The following COG5 variants were observed in gnomAD, a reference collection of about 807,000 sequenced individuals.
COG5 encodes the protein component of oligomeric golgi complex 5.
In COG5, 86 loss-of-function variants were observed where a neutral mutation model predicts 110.4. The ratio of observed to expected loss-of-function variants is 0.78; its 90% CI spans 0.65 to 0.93. COG5 has a LOEUF of 0.93. Ranked by LOEUF, COG5 falls within the 40% of genes least tolerant of loss-of-function variation. COG5 has a pLI of 0.00. For synonymous variants in COG5, 360 were observed against 334.6 expected (o/e 1.08, Z -0.83); for missense variants, 1,077 against 987.0 (o/e 1.09, Z -1.22).
chr7:107,413,604 G>A (rs1462732128), intron 6 of COG5, among the ~76,000 whole-genome samples: 1 of 150,344 alleles, frequency 6.7e-6, no homozygotes, highest in Non-Finnish European at 1.5e-5. Context: ...CACCACAGAA[G>A]AATAGAGGGA....
chr7:107,407,337 G>A (rs1390306071), intron 7 of COG5, among the ~76,000 whole-genome samples: 6 of 152,132 alleles, frequency 3.9e-5, no homozygotes, highest in South Asian at 2.1e-4. Flanking sequence ...AGCCGAGATC[G>A]TGCCGCTGCA....
At chr7:107,387,558 A>G (rs1274362905) in intron 7 of COG5, among the ~76,000 whole-genome samples, 1 of 152,248 alleles carries the variant, frequency 6.6e-6, no homozygotes, top group African/African-American at 2.4e-5. Context: ...GATGATGGCC[A>G]CTGTTCTCTC....
At chr7:107,272,497 C>T (rs1179748476) in intron 14 of COG5, among the ~76,000 whole-genome samples, 2 of 152,144 alleles carry the variant, frequency 1.3e-5, no homozygotes, top group African/African-American at 4.8e-5. Flanking sequence ...TCTGCAAGTC[C>T]TCAACCTTGG....
intron 5 of COG5, among the ~76,000 whole-genome samples, chr7:107,532,179 C>G (rs1801261931): frequency 6.6e-6 from 1 of 152,150 alleles, no homozygotes; most frequent in East Asian, 1.9e-4. Flanking sequence ...GCCTCAGCCA[C>G]CTGAGTAGCT....
At chr7:107,336,787 G>GGCTACCGCT (rs1402436449) in intron 10 of COG5, among the ~76,000 whole-genome samples, 3 of 152,132 alleles carry the variant, frequency 2.0e-5, no homozygotes, top group Admixed American at 2.0e-4. Context: ...AAATAACCCA[G>GGCTACCGCT]GCTACCGCTA....
chr7:107,275,828 C>G (rs1460229008), intron 14 of COG5, among the ~76,000 whole-genome samples: 1 of 151,452 alleles, frequency 6.6e-6, no homozygotes, highest in South Asian at 2.1e-4. Context: ...CTGGCCAATA[C>G]TTTTAGAACT....
intron 6 of COG5, among the ~76,000 whole-genome samples, chr7:107,440,428 A>G (rs1355489582): frequency 6.6e-6 from 1 of 152,150 alleles, no homozygotes; most frequent in East Asian, 1.9e-4. Flanking sequence ...ATATAATGAA[A>G]AATAAATATT....
At chr7:107,333,042 C>G (rs1330138404) in intron 10 of COG5, among the ~76,000 whole-genome samples, 1 of 152,046 alleles carries the variant, frequency 6.6e-6, no homozygotes, top group Non-Finnish European at 1.5e-5. Context: ...AAGAGGAAGT[C>G]AGAGAGAAGC....
At chr7:107,389,136 C>T (rs569632824) in intron 7 of COG5, among the ~76,000 whole-genome samples, 10 of 152,336 alleles carry the variant, frequency 6.6e-5, no homozygotes, top group Admixed American at 2.0e-4. Context: ...CTTTCTTTCG[C>T]CCTGTCACCT....
chr7:107,433,617 T>C (rs934756067), intron 6 of COG5, among the ~76,000 whole-genome samples: 1 of 152,128 alleles, frequency 6.6e-6, no homozygotes, highest in Non-Finnish European at 1.5e-5. Context: ...AAACTGGATA[T>C]CCATATGCCA....
At chr7:107,284,449 C>G (rs1209648050) in intron 12 of COG5, among the ~76,000 whole-genome samples, 1 of 152,230 alleles carries the variant, frequency 6.6e-6, no homozygotes, top group African/African-American at 2.4e-5. Context: ...TTGGCCCTTT[C>G]CATCCATAGC....
chr7:107,426,676 C>T (rs1212133424), intron 6 of COG5, among the ~76,000 whole-genome samples: 1 of 152,122 alleles, frequency 6.6e-6, no homozygotes, highest in Non-Finnish European at 1.5e-5. Flanking sequence ...AATATCACCA[C>T]ATTAGGAGGT....
chr7:107,366,923 A>G (rs1223752457), intron 8 of COG5, among the ~76,000 whole-genome samples: 1 of 152,014 alleles, frequency 6.6e-6, no homozygotes, highest in Non-Finnish European at 1.5e-5. Flanking sequence ...CCAACATTCT[A>G]CCAGTGGTAA....
chr7:107,244,864 A>G (rs774402411), intron 17 of COG5, among the ~76,000 whole-genome samples: 34 of 152,192 alleles, frequency 2.2e-4, no homozygotes, highest in Non-Finnish European at 4.3e-4. Flanking sequence ...GAATTTTACC[A>G]TATGTAAAAA....
intron 7 of COG5, among the ~76,000 whole-genome samples, chr7:107,374,945 T>A (rs953869296): frequency 2.6e-5 from 4 of 152,036 alleles, no homozygotes. Flanking sequence ...AGCTTTATTA[T>A]CACAAAGTGA....
At position 107,310,151 on chromosome 7, in the gene COG5, T is replaced by C. The variant is rs190632638; in HGVS notation, c.1109-11805A>G. On this transcript the variant is annotated intron_variant, in intron 11 of 21. Coordinates refer to ENST00000297135, the MANE Select transcript of COG5 (RefSeq NM_006348.5). ...CTGCATGTGCCACTCTCCCAAACTA[T>C]AGTTAATATCATGTGATTAACTTCC... Among the ~76,000 whole-genome samples the C allele has an allele frequency of 2.7e-3, 411 of 152,310 alleles. 1 individual carries two copies. The highest frequency in any genetic ancestry group is 0.014 in the Middle Eastern group (4 of 294).
intron 6 of COG5, among the ~76,000 whole-genome samples, chr7:107,508,652 T>C (rs1198160664): frequency 6.6e-6 from 1 of 152,068 alleles, no homozygotes; most frequent in Non-Finnish European, 1.5e-5. Context: ...ACTGACACCT[T>C]ACACGGCCGG....
intron 5 of COG5, among the ~76,000 whole-genome samples, chr7:107,546,632 T>C (rs2129172123): frequency 6.7e-6 from 1 of 149,692 alleles, no homozygotes; most frequent in Non-Finnish European, 1.5e-5. Context: ...ATAAATCAAA[T>C]CAATAAAACT....
intron 7 of COG5, among the ~76,000 whole-genome samples, chr7:107,384,503 G>C (rs1056508698): frequency 2.0e-5 from 3 of 152,142 alleles, no homozygotes; most frequent in Non-Finnish European, 4.4e-5. Flanking sequence ...GGCTTTGCGA[G>C]AGGCCCTGTT....
Sources: gnomAD v4.1 joint callset for allele counts (sites outside exome capture counted in the v4.1 genomes callset) on GRCh38, gnomAD v4.1.1 for gene constraint, MANE v1.5 for transcripts, NCBI Gene and HGNC (gene_info 2026-07-23, HGNC 2026-07-21) for gene names.